Variants in ANGPTL5 observed in about 807,000 individuals in gnomAD.
The protein encoded by ANGPTL5 is angiopoietin-related protein 5.
A neutral mutation model predicts 39.4 loss-of-function variants in ANGPTL5; 34 were observed. That is an observed-to-expected ratio of 0.86 (90% CI 0.66 to 1.15). The LOEUF (loss-of-function observed/expected upper bound fraction) is 1.15, where lower values mean the gene tolerates loss of function less well. Ranked by LOEUF, ANGPTL5 falls within the 50% of genes most tolerant of loss-of-function variation. The probability of loss-of-function intolerance (pLI) is 0.00; values close to 1 mark genes in which losing one functional copy is unlikely to be tolerated. For synonymous variants in ANGPTL5, 146 were observed against 152.1 expected (o/e 0.96, Z 0.29); for missense variants, 467 against 457.5 (o/e 1.02, Z -0.19).
intron 6 of ANGPTL5, 130 bp from the exon 7 acceptor site, chr11:101,900,680 A>G (rs1210376262): frequency 2.2e-5 from 19 of 870,496 alleles, no homozygotes; most frequent in Non-Finnish European, 3.1e-5. Context: ...ATGCAATCAT[A>G]TGCCATTAAT....
chr11:101,903,501 T>C (rs1591256502), intron 5 of ANGPTL5, among the ~76,000 whole-genome samples: 1 of 152,152 alleles, frequency 6.6e-6, no homozygotes, highest in Admixed American at 6.5e-5. Flanking sequence ...TACTTCATAG[T>C]GTTATCCTAA....
intron 7 of ANGPTL5, among the ~76,000 whole-genome samples, chr11:101,897,666 G>C (rs565146762): frequency 1.6e-4 from 25 of 152,252 alleles, no homozygotes; most frequent in African/African-American, 6.0e-4. Flanking sequence ...GATGGTTGTA[G>C]ATTTGTGGTG....
At chr11:101,894,751 AT>A in intron 8 of ANGPTL5, 127 bp downstream of exon 8, 1 of 939,398 alleles carries the variant, frequency 1.1e-6, no homozygotes, top group Non-Finnish European at 1.6e-6. Context: ...CAGCTTTCTT[AT>A]TCCTAATCTA....
intron 5 of ANGPTL5, among the ~76,000 whole-genome samples, chr11:101,903,559 GC>G (rs1319823368): frequency 6.6e-6 from 1 of 152,036 alleles, no homozygotes; most frequent in Non-Finnish European, 1.5e-5. Flanking sequence ...ATAGTGCCCA[GC>G]ACACCCAAAT....
At chr11:101,896,645 C>T (rs937401751) in intron 7 of ANGPTL5, among the ~76,000 whole-genome samples, 13 of 152,008 alleles carry the variant, frequency 8.6e-5, no homozygotes, top group East Asian at 3.9e-4. Context: ...CTGAGAATGA[C>T]GGTTTCTAGC....
At chr11:101,891,712 T>C (rs1476295958) in intron 8 of ANGPTL5, 114 bp from the exon 9 acceptor site, 4 of 1,073,298 alleles carry the variant, frequency 3.7e-6, no homozygotes, top group Non-Finnish European at 5.5e-6. Context: ...TTAAATTATT[T>C]TCCTACTGTT....
chr11:101,893,019 A>T (rs1033568590), intron 8 of ANGPTL5, among the ~76,000 whole-genome samples: 3 of 152,228 alleles, frequency 2.0e-5, no homozygotes, highest in Non-Finnish European at 4.4e-5. Context: ...GTGAGAGACA[A>T]TACCCATGGA....
chr11:101,904,015 C>A (rs1004818964), intron 5 of ANGPTL5, among the ~76,000 whole-genome samples: 16 of 152,084 alleles, frequency 1.1e-4, no homozygotes, highest in African/African-American at 3.4e-4. Flanking sequence ...GAAAACATAT[C>A]AAGAGAGCAG....
chr11:101,910,901 A>G (rs895570647), intron 1 of ANGPTL5, among the ~76,000 whole-genome samples: 5 of 152,004 alleles, frequency 3.3e-5, no homozygotes. Flanking sequence ...GTCTCTTTAA[A>G]GGTTCAATAA....
At position 101,915,317 on chromosome 11, in the gene ANGPTL5, G is replaced by T. The variant is rs181761204; in HGVS notation, c.-93+702C>A. The T allele has an allele frequency of 1.1e-5, 17 of 1,613,868 alleles. No homozygotes were observed. The Admixed American group carries it at 2.2e-4, about 21-fold the overall frequency. On this transcript the variant is annotated intron_variant, in intron 1 of 8. Transcript: ENST00000334289. ...CGGGGAGGCCCGGAACCCGGAGCGC[G>T]GTCGGGGAACTGGGCACTGAATCAT...
intron 2 of ANGPTL5, 75 bp downstream of exon 2, chr11:101,907,739 T>G: frequency 2.1e-6 from 2 of 964,996 alleles, no homozygotes; most frequent in Non-Finnish European, 3.2e-6. Flanking sequence ...ATGATTAATC[T>G]TTTCAAAATT....
At chr11:101,915,695 G>C (rs1940195279) in intron 1 of ANGPTL5, among the ~76,000 whole-genome samples, 1 of 152,132 alleles carries the variant, frequency 6.6e-6, no homozygotes, top group South Asian at 2.1e-4. Context: ...TGTGTATTCT[G>C]TGGGGATATT....
rs571759946 is a variant in ANGPTL5, at chr11:101,908,010, C to T, written c.-92-9G>A. 44 of 867,192 alleles carry T rather than the reference C, an allele frequency of 5.1e-5. 1 individual carries two copies. Among genetic ancestry groups the T allele is most frequent in the African/African-American group, 1.3e-4 (8 of 59,398 alleles). The allele number at this position is 867,192 out of a possible 1,614,324, so 53.7% of individuals were successfully genotyped here. A position where few individuals can be genotyped will look rare whatever the true frequency, so the allele number is the denominator to read the frequency against. ...TCTTCAGTTAAAAACCTCTGGAAAG[C>T]GTACAACAAAAACATAAGCCAAAAC... is the stretch of plus-strand genomic sequence containing the variant. On this transcript the variant is annotated splice_polypyrimidine_tract_variant and intron_variant, in intron 1 of 8. Coordinates refer to ENST00000334289, the MANE Select transcript of ANGPTL5 (RefSeq NM_178127.5).
chr11:101,891,323 CA>C lies in ANGPTL5; in HGVS notation c.1122del (p.Val375PhefsTer3), dbSNP rs1440871152. On this transcript the variant is annotated frameshift_variant, in exon 9 of 9. Coordinates refer to ENST00000334289, the MANE Select transcript of ANGPTL5 (RefSeq NM_178127.5). LOFTEE classifies it high-confidence loss of function. ...TACATTCTTCTAATTTTCATTGAAA[CA>C]GATTTAATCTTGACAGGTGAGTTGT... ...TKNNSPVKIK[S>X]VSMKIRRMYN... is the part of the protein sequence containing the mutation. 6.2e-7 allele frequency: 1 copy of C among 1,613,410 alleles called. No individual in the cohort carries two copies. The highest frequency in any genetic ancestry group is 1.1e-5 in the South Asian group (1 of 91,014).
Position 101,895,019 on chromosome 11 carries a change from T to C in ANGPTL5, c.707A>G (p.Gln236Arg), listed in dbSNP as rs200590486. The C allele has an allele frequency of 3.1e-6, 5 of 1,606,852 alleles. No homozygotes were observed. In the Admixed American group the frequency reaches 6.7e-5, roughly 22 times the overall value. The change falls in exon 8 of 9, where the codon CAG becomes CGG. Residue 236 changes from glutamine to arginine, a missense_variant. By Grantham distance (43) the Gln-to-Arg change is conservative. Coordinates refer to ENST00000334289, the MANE Select transcript of ANGPTL5 (RefSeq NM_178127.5). ...GLKKIFYIVNQKNTSFMLYVA... is the reference protein window; with the variant it reads ...GLKKIFYIVNRKNTSFMLYVA... ...ATACAGCATAAAACTGGTATTTTTC[T>C]GATTTACTATATAAAAAATCTTTTT...
chr11:101,913,050 A>G (rs182581715), intron 1 of ANGPTL5, among the ~76,000 whole-genome samples: 15 of 152,344 alleles, frequency 9.8e-5, no homozygotes, highest in Admixed American at 3.3e-4. Flanking sequence ...GAGATAAGCA[A>G]TAGTAAAACA....
At chr11:101,915,178 G>A in intron 1 of ANGPTL5, 13 of 1,517,268 alleles carry the variant, frequency 8.6e-6, no homozygotes, top group Non-Finnish European at 1.2e-5. Flanking sequence ...GTGACGCGGG[G>A]CCTGAGAGAC....
rs187274062 is a variant in ANGPTL5 at position 101,913,622 on chromosome 11, A to T, written c.-93+2397T>A. Among the ~76,000 whole-genome samples the T allele has an allele frequency of 5.3e-4, 80 of 152,326 alleles. 1 individual carries two copies. Among genetic ancestry groups the T allele is most frequent in the Middle Eastern group, 3.4e-3 (1 of 294 alleles). On this transcript the variant is annotated intron_variant, in intron 1 of 8. Transcript: ENST00000334289. Reference sequence around the variant, plus strand: ...ATTGAGAAACCAAATTATGCTTCTTAGTGCTAATATACCAAGCCACAAAGC... The same window carrying T: ...ATTGAGAAACCAAATTATGCTTCTTTGTGCTAATATACCAAGCCACAAAGC...
Position 101,907,962 on chromosome 11 carries a change from G to T in ANGPTL5, c.-53C>A. 1 of 1,293,216 alleles carries T rather than the reference G, an allele frequency of 7.7e-7. No individual in the cohort carries two copies. Among genetic ancestry groups the T allele is most frequent in the Non-Finnish European group, 1.1e-6 (1 of 895,998 alleles). The allele number at this position is 1,293,216 out of a possible 1,614,324, so 80.1% of individuals were successfully genotyped here. On this transcript the variant is annotated 5_prime_UTR_variant, in exon 2 of 9. Coordinates refer to ENST00000334289, the MANE Select transcript of ANGPTL5 (RefSeq NM_178127.5). ...CTTCAAATATCAGTCAGCTCTTTGT[G>T]GAAAGAACTACAGAGCATAGAGTCT...
Sources: gnomAD v4.1 joint callset for allele counts (sites outside exome capture counted in the v4.1 genomes callset) on GRCh38, gnomAD v4.1.1 for gene constraint, MANE v1.5 for transcripts, NCBI Gene and HGNC (gene_info 2026-07-23, HGNC 2026-07-21) for gene names.